The following HECW2 variants were observed in gnomAD, a reference collection of about 807,000 sequenced individuals.
HECW2 encodes E3 ubiquitin-protein ligase HECW2.
In HECW2, 61 loss-of-function variants were observed where a neutral mutation model predicts 175.2. The observed-to-expected ratio is 0.35, with a 90% confidence interval of 0.28 to 0.43. The LOEUF is 0.43. HECW2 is among the 20% of genes least tolerant of loss of function. The pLI is 1.00. For missense variants in HECW2, 1,524 were observed against 2,000.5 expected (o/e 0.76, Z 4.54); for synonymous variants, 671 against 731.0 (o/e 0.92, Z 1.32).
At chr2:196,360,719 A>G (rs543806071) in intron 2 of HECW2, among the ~76,000 whole-genome samples, 3 of 152,320 alleles carry the variant, frequency 2.0e-5, no homozygotes, top group South Asian at 2.1e-4. Context: ...GGTGGGAGAA[A>G]TATTTCTGAA....
intron 1 of HECW2, among the ~76,000 whole-genome samples, chr2:196,505,844 G>A (rs549335619): frequency 1.3e-4 from 20 of 152,216 alleles, no homozygotes; most frequent in Non-Finnish European, 2.5e-4. Flanking sequence ...CCAAGCACTG[G>A]AGCTATCAAT....
At chr2:196,208,480 C>T (rs10186734) in intron 28 of HECW2, among the ~76,000 whole-genome samples, 36,498 of 152,156 alleles carry the variant, frequency 0.24, 6,444 homozygotes, top group African/African-American at 0.5. Flanking sequence ...CAGGATTATA[C>T]TCCAGAGGAG....
intron 2 of HECW2, among the ~76,000 whole-genome samples, chr2:196,375,386 C>T (rs892203917): frequency 6.6e-6 from 1 of 152,216 alleles, no homozygotes; most frequent in African/African-American, 2.4e-5. Flanking sequence ...CAGACACACA[C>T]AGAAATCACA....
intron 2 of HECW2, among the ~76,000 whole-genome samples, chr2:196,379,684 C>CAA (rs1228923177): frequency 0.032 from 874 of 27,598 alleles, 74 homozygotes; most frequent in African/African-American, 0.047. Flanking sequence ...TACTCCGTCT[C>CAA]AAAAAAAAAA....
At chr2:196,226,151 T>A (rs992935260) in intron 22 of HECW2, among the ~76,000 whole-genome samples, 1 of 152,068 alleles carries the variant, frequency 6.6e-6, no homozygotes, top group African/African-American at 2.4e-5. Context: ...GCTGATCCCT[T>A]ATGGCTTGGT....
rs1157806127 is a variant in HECW2 at position 196,197,214 on chromosome 2, T to C, written c.*4063A>G. ...AATAATGGCATTGCATCATTTCACA[T>C]AAATACGGAGTTTCCTGAATAAGGT... On this transcript the variant is annotated 3_prime_UTR_variant, in exon 29 of 29. Coordinates refer to ENST00000644978, the MANE Select transcript of HECW2 (RefSeq NM_001348768.2). 1 of 152,006 alleles carries C rather than the reference T, an allele frequency of 6.6e-6. No individual in the cohort carries two copies. Among genetic ancestry groups the C allele is most frequent in the African/African-American group, 2.4e-5 (1 of 41,364 alleles). 9.4% of individuals were successfully genotyped at this position (152,006 alleles called of 1,614,324 possible).
At chr2:196,358,908 C>A (rs147891770) in intron 2 of HECW2, among the ~76,000 whole-genome samples, 1 of 152,294 alleles carries the variant, frequency 6.6e-6, no homozygotes, top group Non-Finnish European at 1.5e-5. Flanking sequence ...CATGTAGTAT[C>A]TCCATACTGC....
intron 27 of HECW2, among the ~76,000 whole-genome samples, chr2:196,216,601 AG>A (rs144575696): frequency 1.7e-4 from 26 of 152,214 alleles, no homozygotes; most frequent in African/African-American, 5.8e-4. Flanking sequence ...ATTTGTGGAA[AG>A]TTAGATGAAA....
intron 2 of HECW2, among the ~76,000 whole-genome samples, chr2:196,418,899 C>T (rs142573796): frequency 1.3e-3 from 199 of 152,260 alleles, no homozygotes; most frequent in Non-Finnish European, 2.2e-3. Context: ...GTTAAACAAA[C>T]AGATGAATGA....
At chr2:196,569,420 A>G (rs10931747) in intron 1 of HECW2, among the ~76,000 whole-genome samples, 151,676 of 152,322 alleles carry the variant, frequency 1, 75,518 homozygotes, top group Middle Eastern at 1. Context: ...ACTTCTCCTT[A>G]ATAAATAAAT....
In HECW2 at chr2:196,242,983, G is replaced by A. The variant is rs537481435; in HGVS notation, c.3530-779C>T. 2.0e-5 allele frequency among the ~76,000 whole-genome samples: 3 copies of A among 151,938 alleles called. No homozygotes were observed. The South Asian group carries it at 6.2e-4, about 32-fold the overall frequency. On this transcript the variant is annotated intron_variant, in intron 19 of 28. Transcript: ENST00000644978. ...GCTGGGATTACAGGTGTGAGCCACC[G>A]CACCTGGCCTACAAAACTTCTTTTA...
At chr2:196,522,425 G>A (rs1467454806) in intron 1 of HECW2, among the ~76,000 whole-genome samples, 1 of 152,134 alleles carries the variant, frequency 6.6e-6, no homozygotes, top group Non-Finnish European at 1.5e-5. Flanking sequence ...CCATTCTGTA[G>A]GTTGCCTGTT....
At chr2:196,250,712 G>C (rs1298282353) in intron 19 of HECW2, among the ~76,000 whole-genome samples, 7 of 152,034 alleles carry the variant, frequency 4.6e-5, no homozygotes, top group African/African-American at 1.7e-4. Flanking sequence ...TTCCTTCAGT[G>C]TCGTGCTGCC....
intron 1 of HECW2, among the ~76,000 whole-genome samples, chr2:196,507,347 A>G (rs773930917): frequency 7.2e-5 from 11 of 152,374 alleles, no homozygotes; most frequent in Non-Finnish European, 1.2e-4. Flanking sequence ...GGAGTGTTAC[A>G]TAACATGACC....
At chr2:196,338,306 TA>T (rs1286674808) in intron 3 of HECW2, among the ~76,000 whole-genome samples, 1 of 152,218 alleles carries the variant, frequency 6.6e-6, no homozygotes, top group African/African-American at 2.4e-5. Flanking sequence ...TGTATATGAA[TA>T]AAATATTTCC....
intron 1 of HECW2, among the ~76,000 whole-genome samples, chr2:196,498,466 A>G (rs1687470317): frequency 6.6e-6 from 1 of 152,218 alleles, no homozygotes; most frequent in Non-Finnish European, 1.5e-5. Context: ...TGCAAACATT[A>G]TGACAGTGAG....
At chr2:196,377,578 C>T (rs762781786) in intron 2 of HECW2, among the ~76,000 whole-genome samples, 2 of 152,254 alleles carry the variant, frequency 1.3e-5, no homozygotes, top group Non-Finnish European at 2.9e-5. Context: ...TGGGAAAGAC[C>T]CACCTCCACG....
intron 28 of HECW2, among the ~76,000 whole-genome samples, chr2:196,206,783 T>TC (rs1687083307): frequency 1.3e-5 from 2 of 152,160 alleles, no homozygotes; most frequent in African/African-American, 4.8e-5. Context: ...GCTTGCCAAA[T>TC]TGTGAGCCCT....
At chr2:196,399,881 T>C (rs1694773418) in intron 2 of HECW2, among the ~76,000 whole-genome samples, 2 of 152,210 alleles carry the variant, frequency 1.3e-5, no homozygotes. Context: ...GAGGGAATAG[T>C]GCACCAGATA....
Sources: allele counts gnomAD v4.1 joint callset (sites outside exome capture counted in the v4.1 genomes callset), GRCh38; gene constraint gnomAD v4.1.1; transcripts MANE v1.5; gene names NCBI Gene and HGNC (gene_info 2026-07-23, HGNC 2026-07-21).